The following CDH18 variants were observed in gnomAD, a reference collection of about 807,000 sequenced individuals.
CDH18 encodes cadherin 18.
Under a neutral mutation model 67.9 loss-of-function variants are expected in CDH18, and 31 were observed. The observed-to-expected ratio is 0.46, with a 90% confidence interval of 0.34 to 0.62. The LOEUF (loss-of-function observed/expected upper bound fraction) is 0.62. Ranked by LOEUF, CDH18 falls within the 20% of genes least tolerant of loss-of-function variation. CDH18 has a pLI of 0.01. For missense variants in CDH18, 890 were observed against 975.5 expected (o/e 0.91, Z 1.17); for synonymous variants, 362 against 347.2 (o/e 1.04, Z -0.48).
intron 2 of CDH18, among the ~76,000 whole-genome samples, chr5:19,980,444 C>G (rs888647075): frequency 9.2e-5 from 14 of 151,826 alleles, no homozygotes; most frequent in African/African-American, 3.4e-4. Flanking sequence ...AATAAAAATT[C>G]CACTAAATAT....
intron 1 of CDH18, among the ~76,000 whole-genome samples, chr5:20,366,498 C>T (rs1489436738): frequency 5.9e-5 from 9 of 152,172 alleles, no homozygotes; most frequent in African/African-American, 2.2e-4. Context: ...GTACTTCACT[C>T]ATTTATACAA....
chr5:20,090,611 T>C (rs1051161054), intron 2 of CDH18, among the ~76,000 whole-genome samples: 3 of 152,096 alleles, frequency 2.0e-5, no homozygotes, highest in Admixed American at 2.0e-4. Context: ...AAACTCTTGA[T>C]TGGAAACAAA....
chr5:19,810,662 G>A (rs1778539195), intron 3 of CDH18, among the ~76,000 whole-genome samples: 1 of 151,956 alleles, frequency 6.6e-6, no homozygotes, highest in Admixed American at 6.6e-5. Context: ...CTAATTAGGT[G>A]TAAAAATCTT....
At chr5:20,095,154 G>T (rs377061860) in intron 2 of CDH18, among the ~76,000 whole-genome samples, 1 of 151,704 alleles carries the variant, frequency 6.6e-6, no homozygotes, top group African/African-American at 2.4e-5. Flanking sequence ...AGGCCCTGTC[G>T]GGGGATGAGG....
At chr5:20,282,004 GCTCT>G (rs1746316111) in intron 1 of CDH18, among the ~76,000 whole-genome samples, 1 of 151,882 alleles carries the variant, frequency 6.6e-6, no homozygotes, top group Admixed American at 6.6e-5. Flanking sequence ...TCATGATTTG[GCTCT>G]CTGTTTGTCT....
chr5:19,587,388 AC>A (rs1383816984), intron 7 of CDH18, among the ~76,000 whole-genome samples: 2 of 152,050 alleles, frequency 1.3e-5, no homozygotes, highest in African/African-American at 4.8e-5. Context: ...GAAAGGTAAT[AC>A]GTAGGTTTTT....
At chr5:19,721,262 A>G in intron 5 of CDH18, 85 bp downstream of exon 5, 1 of 1,266,178 alleles carries the variant, frequency 7.9e-7, no homozygotes, top group Non-Finnish European at 1.1e-6. Context: ...CATCTAATGG[A>G]AAAGAGCATA....
intron 2 of CDH18, among the ~76,000 whole-genome samples, chr5:20,083,755 T>C (rs920297157): frequency 7.9e-5 from 12 of 152,184 alleles, no homozygotes; most frequent in Non-Finnish European, 1.6e-4. Context: ...AGTCACGTCT[T>C]ACATGGATGG....
intron 2 of CDH18, among the ~76,000 whole-genome samples, chr5:20,040,143 CAAAG>C (rs1400340691): frequency 6.6e-6 from 1 of 152,024 alleles, no homozygotes; most frequent in East Asian, 1.9e-4. Context: ...ATCAAATCCA[CAAAG>C]AAATACTGTC....
chr5:19,688,093 C>T (rs1365438569), intron 5 of CDH18, among the ~76,000 whole-genome samples: 3 of 152,194 alleles, frequency 2.0e-5, no homozygotes, highest in African/African-American at 7.2e-5. Context: ...CCACAGCATG[C>T]TGCTTAGGAG....
chr5:19,994,738 TAG>T (rs869278538), intron 2 of CDH18, among the ~76,000 whole-genome samples: 61 of 13,524 alleles, frequency 4.5e-3, no homozygotes, highest in South Asian at 6.2e-3. Context: ...TATATATATA[TAG>T]AGAGAGAGAG....
intron 1 of CDH18, among the ~76,000 whole-genome samples, chr5:20,346,077 T>C (rs188123350): frequency 1.3e-5 from 2 of 152,244 alleles, no homozygotes; most frequent in Admixed American, 6.5e-5. Flanking sequence ...TTTCTGAAAA[T>C]GCAGCAGTAG....
At chr5:20,395,113 T>G (rs983512264) in intron 1 of CDH18, among the ~76,000 whole-genome samples, 12 of 152,100 alleles carry the variant, frequency 7.9e-5, no homozygotes, top group Admixed American at 6.6e-5. Flanking sequence ...GGAAAATAAG[T>G]CATTATAGCC....
chr5:20,526,511 G>T (rs566306751), intron 1 of CDH18, among the ~76,000 whole-genome samples: 5 of 152,128 alleles, frequency 3.3e-5, no homozygotes, highest in South Asian at 4.1e-4. Context: ...GAGAGCTCTG[G>T]CTGGCACTAG....
chr5:20,143,511 G>C (rs773509054), intron 2 of CDH18, among the ~76,000 whole-genome samples: 1 of 152,022 alleles, frequency 6.6e-6, no homozygotes, highest in Non-Finnish European at 1.5e-5. Context: ...GGGACTATAC[G>C]CATGCACCGC....
At chr5:19,853,698 A>T (rs988027726) in intron 2 of CDH18, among the ~76,000 whole-genome samples, 6 of 152,096 alleles carry the variant, frequency 3.9e-5, no homozygotes, top group African/African-American at 1.4e-4. Context: ...AGGTGAGTGG[A>T]GGAGATATAA....
chr5:20,505,681 G>C (rs1171622704), intron 1 of CDH18, among the ~76,000 whole-genome samples: 2 of 152,172 alleles, frequency 1.3e-5, no homozygotes, highest in African/African-American at 4.8e-5. Context: ...GTAGCTTTGA[G>C]AGATATTTGA....
At chr5:20,431,364 A>G (rs1201665679) in intron 1 of CDH18, among the ~76,000 whole-genome samples, 1 of 151,822 alleles carries the variant, frequency 6.6e-6, no homozygotes, top group Non-Finnish European at 1.5e-5. Flanking sequence ...ATGGTGGTGC[A>G]CGCCTGTAAT....
At chr5:20,305,745 CG>C in intron 1 of CDH18, 1 of 332,278 alleles carries the variant, frequency 3.0e-6, no homozygotes, top group Non-Finnish European at 5.6e-6. Flanking sequence ...GGAACCGCGC[CG>C]AACACGCTTT....
Sources: gnomAD v4.1 joint callset for allele counts (sites outside exome capture counted in the v4.1 genomes callset) on GRCh38, gnomAD v4.1.1 for gene constraint, MANE v1.5 for transcripts, NCBI Gene and HGNC (gene_info 2026-07-23, HGNC 2026-07-21) for gene names.